USP32: variants seen among roughly 807,000 people sequenced by gnomAD.
USP32 encodes the protein ubiquitin carboxyl-terminal hydrolase 32.
USP32 carries 59 observed loss-of-function variants against 204.8 expected under a neutral mutation model. That is an observed-to-expected ratio of 0.29 (90% CI 0.23 to 0.36). USP32 has a LOEUF of 0.36. USP32 is among the 10% of genes least tolerant of loss of function. The pLI, the probability that USP32 is intolerant of heterozygous loss-of-function variation, is 1.00. For missense variants in USP32, 1,160 were observed against 1,946.4 expected (o/e 0.60, Z 7.60); for synonymous variants, 517 against 678.4 (o/e 0.76, Z 3.70).
intron 1 of USP32, among the ~76,000 whole-genome samples, chr17:60,416,769 G>A (rs998797780): frequency 6.6e-6 from 1 of 152,144 alleles, no homozygotes; most frequent in Non-Finnish European, 1.5e-5. Context: ...GAAAATGGTA[G>A]TTTGGGATTA....
At chr17:60,298,702 G>A (rs574095937) in intron 3 of USP32, among the ~76,000 whole-genome samples, 1 of 152,174 alleles carries the variant, frequency 6.6e-6, no homozygotes, top group Admixed American at 6.5e-5. Context: ...TTCTGCTGGT[G>A]AAGAAATGCT....
chr17:60,349,624 TTA>T (rs1318566015), intron 1 of USP32, among the ~76,000 whole-genome samples: 2,742 of 59,948 alleles, frequency 0.046, 74 homozygotes, highest in Non-Finnish European at 0.049. Flanking sequence ...TATATATATA[TTA>T]TATATATATA....
chr17:60,249,807 G>A lies in USP32; in HGVS notation c.1136+2574C>T, dbSNP rs1030623926. On this transcript the variant is annotated intron_variant, in intron 11 of 33. Transcript: ENST00000300896. ...AGTTTTTTAAGTGCTTTTGGGGAAAGGGTTGGCTGAGATCTTCACTCGGCC... is the reference window on the plus strand; with the variant it reads ...AGTTTTTTAAGTGCTTTTGGGGAAAAGGTTGGCTGAGATCTTCACTCGGCC... The A allele has an allele frequency of 5.8e-6, 4 of 694,836 alleles. No homozygotes were observed. In the South Asian group the frequency reaches 6.1e-5, roughly 11 times the overall value. The allele number at this position is 694,836 out of a possible 1,614,324, so 43.0% of individuals were successfully genotyped here. A position where few individuals can be genotyped will look rare whatever the true frequency, so the allele number is the denominator to read the frequency against.
At chr17:60,253,415 A>T (rs1311467807) in intron 10 of USP32, among the ~76,000 whole-genome samples, 4 of 125,566 alleles carry the variant, frequency 3.2e-5, no homozygotes, top group South Asian at 4.4e-4. Context: ...TAGTTTAATT[A>T]AAAAAAAAAA....
Position 60,350,138 on chromosome 17 carries a change from A to T in USP32, c.59-4530T>A, listed in dbSNP as rs576075908. On this transcript the variant is annotated intron_variant, in intron 1 of 33. Transcript: ENST00000300896. ...AGCAATCCTCCCACCTCAGCCTCCCAAGTAGGTGGGACCACAGGCTCCCAC... is the reference window on the plus strand; with the variant it reads ...AGCAATCCTCCCACCTCAGCCTCCCTAGTAGGTGGGACCACAGGCTCCCAC... 2.0e-5 allele frequency among the ~76,000 whole-genome samples: 3 copies of T among 147,930 alleles called. No individual in the cohort carries two copies. In the East Asian group the frequency reaches 6.0e-4, roughly 30 times the overall value.
chr17:60,382,115 A>G (rs371930184), intron 1 of USP32, among the ~76,000 whole-genome samples: 2 of 152,246 alleles, frequency 1.3e-5, no homozygotes, highest in Non-Finnish European at 2.9e-5. Context: ...AGGCTGGCAT[A>G]GTGAGATAAG....
intron 1 of USP32, among the ~76,000 whole-genome samples, chr17:60,397,855 T>C (rs1361368547): frequency 6.6e-6 from 1 of 152,134 alleles, no homozygotes; most frequent in East Asian, 1.9e-4. Context: ...TGTGGTATAA[T>C]TTGAAAACTC....
Position 60,181,421 on chromosome 17 carries a change from C to T in USP32, c.4451G>A (p.Ser1484Asn), listed in dbSNP as rs756704938. ...ACTGTGGTTTCCAAGCTGACCATTG[C>T]TGTAGCCATTGCCACATGCTTCATG... ...YEHEACGNGY[S>N]NGQLGNHSEE... Residue 1484 changes from serine (S) to asparagine (N), a missense_variant, in exon 32 of 34, where the codon AGC becomes AAC. This residue lies in a region of USP32 where 244 missense variants were observed against 342.3 expected (regional missense o/e 0.71). Coordinates refer to ENST00000300896, the MANE Select transcript of USP32 (RefSeq NM_032582.4). The T allele has an allele frequency of 2.5e-5, 41 of 1,613,912 alleles. 1 individual carries two copies. In the Admixed American group the frequency reaches 6.8e-4, roughly 27 times the overall value.
At chr17:60,224,624 A>C (rs932493161) in intron 13 of USP32, among the ~76,000 whole-genome samples, 1 of 152,162 alleles carries the variant, frequency 6.6e-6, no homozygotes, top group Non-Finnish European at 1.5e-5. Flanking sequence ...TCTACAAAAC[A>C]ATTAAAAAAT....
chr17:60,342,896 C>T (rs571895909), intron 2 of USP32, among the ~76,000 whole-genome samples: 1 of 152,302 alleles, frequency 6.6e-6, no homozygotes, highest in South Asian at 2.1e-4. Flanking sequence ...AGGCAACGCC[C>T]CACCCTGCTT....
chr17:60,383,857 GACT>G, intron 1 of USP32, among the ~76,000 whole-genome samples: 1 of 152,254 alleles, frequency 6.6e-6, no homozygotes, highest in South Asian at 2.1e-4. Context: ...CCACTATAAA[GACT>G]ACATTTTTAA....
intron 1 of USP32, among the ~76,000 whole-genome samples, chr17:60,358,990 G>A (rs2089147700): frequency 6.6e-6 from 1 of 152,194 alleles, no homozygotes; most frequent in African/African-American, 2.4e-5. Context: ...CACACGAGAG[G>A]TTCCAGCTGC....
chr17:60,192,107 A>G (rs2084398515), intron 28 of USP32, among the ~76,000 whole-genome samples: 2 of 151,906 alleles, frequency 1.3e-5, no homozygotes, highest in Admixed American at 1.3e-4. Context: ...CCAGCCTAAC[A>G]TGGCAAAACC....
At chr17:60,389,308 G>C (rs958938882) in intron 1 of USP32, among the ~76,000 whole-genome samples, 2 of 152,136 alleles carry the variant, frequency 1.3e-5, no homozygotes, top group African/African-American at 4.8e-5. Flanking sequence ...TTGGAAGGCC[G>C]AGGCTGGTGG....
intron 9 of USP32, among the ~76,000 whole-genome samples, chr17:60,261,710 T>C (rs1325261071): frequency 6.6e-6 from 1 of 152,122 alleles, no homozygotes; most frequent in Non-Finnish European, 1.5e-5. Context: ...TAATTTGATA[T>C]GTGTGATAAA....
intron 10 of USP32, among the ~76,000 whole-genome samples, chr17:60,253,957 A>G (rs1453863775): frequency 6.6e-6 from 1 of 152,318 alleles, no homozygotes; most frequent in South Asian, 2.1e-4. Flanking sequence ...ATCAGATTAT[A>G]TATGTTTTAA....
intron 1 of USP32, chr17:60,421,785 C>T (rs1049394990): frequency 5.3e-6 from 5 of 936,668 alleles, no homozygotes; most frequent in Non-Finnish European, 6.4e-6. Context: ...CTGGAGGGCT[C>T]GCGGGTAGGA....
At chr17:60,316,704 G>A (rs2087987859) in intron 2 of USP32, among the ~76,000 whole-genome samples, 1 of 152,034 alleles carries the variant, frequency 6.6e-6, no homozygotes, top group Admixed American at 6.6e-5. Flanking sequence ...AGTCGGGTGT[G>A]GTGGTGGGCG....
Position 60,222,399 on chromosome 17 carries a change from C to T in USP32, c.1749+10G>A. On this transcript the variant is annotated intron_variant, in intron 15 of 33. Transcript: ENST00000300896. ...TGCTCCTTATATAAGGCACTATTAA[C>T]TATACTTACTGGTCTAGGTAAGGCC... The T allele has an allele frequency of 6.2e-7, 1 of 1,612,688 alleles. No homozygotes were observed. Among genetic ancestry groups the T allele is most frequent in the Non-Finnish European group, 8.5e-7 (1 of 1,179,220 alleles).
Sources: allele counts gnomAD v4.1 joint callset (sites outside exome capture counted in the v4.1 genomes callset), GRCh38; gene constraint gnomAD v4.1.1; regional missense constraint gnomAD v4.1.1; transcripts MANE v1.5; gene names NCBI Gene and HGNC (gene_info 2026-07-23, HGNC 2026-07-21).